The following THOC2 variants were observed in gnomAD, a reference collection of about 807,000 sequenced individuals.
THOC2 encodes the protein THO complex subunit 2.
A neutral mutation model predicts 128.4 loss-of-function variants in THOC2; 10 were observed. That is an observed-to-expected ratio of 0.08 (90% CI 0.05 to 0.13). The LOEUF is 0.13. Ranked by LOEUF, THOC2 falls within the 10% of genes least tolerant of loss-of-function variation. The pLI, the probability that THOC2 is intolerant of heterozygous loss-of-function variation, is 1.00. For synonymous variants in THOC2, 393 were observed against 396.9 expected, an observed-to-expected ratio of 0.99 and a Z score of 0.12; for missense variants, 535 against 1,155.7, an observed-to-expected ratio of 0.46 and a Z score of 7.79.
intron 7 of THOC2, among the ~76,000 whole-genome samples, chrX:123,689,418 A>T (rs1048950671): frequency 3.6e-5 from 4 of 111,641 alleles, no homozygotes; most frequent in African/African-American, 1.3e-4. Flanking sequence ...AGGTTTAGAA[A>T]ATTATTTTCA....
At chrX:123,730,411 C>G (rs1451221491) in intron 1 of THOC2, among the ~76,000 whole-genome samples, 1 of 111,200 alleles carries the variant, frequency 9.0e-6, no homozygotes, top group South Asian at 3.7e-4. Flanking sequence ...CTCCTGACCT[C>G]AGGTGATCCA....
chrX:123,725,858 A>C (rs183402455), intron 1 of THOC2, among the ~76,000 whole-genome samples: 1 of 111,367 alleles, frequency 9.0e-6, no homozygotes, highest in African/African-American at 3.3e-5. Context: ...ATGAAGTATT[A>C]AAACAATTCC....
rs769996351 is a variant in THOC2, at chrX:123,657,817, A to G, written c.1386+7825T>C. On this transcript the variant is annotated intron_variant, in intron 12 of 38. Coordinates refer to ENST00000245838, the MANE Select transcript of THOC2 (RefSeq NM_001081550.2). ...GAATATAGGTCAGAAACTTGGATATATATAAACAAACAAAAAAAGAAACAC... is the reference window on the plus strand; with the variant it reads ...GAATATAGGTCAGAAACTTGGATATGTATAAACAAACAAAAAAAGAAACAC... 4.5e-5 allele frequency among the ~76,000 whole-genome samples: 5 copies of G among 112,330 alleles called. No homozygotes were observed. The East Asian group carries it at 1.4e-3, about 31-fold the overall frequency.
chrX:123,718,800 G>A (rs2051547164), intron 1 of THOC2, among the ~76,000 whole-genome samples: 1 of 110,672 alleles, frequency 9.0e-6, no homozygotes, highest in Non-Finnish European at 1.9e-5. Context: ...ACAATTAACA[G>A]TGTGATGGAG....
intron 38 of THOC2, among the ~76,000 whole-genome samples, chrX:123,605,874 G>A (rs1312573010): frequency 9.0e-6 from 1 of 110,977 alleles, no homozygotes; most frequent in East Asian, 2.8e-4. Flanking sequence ...GTCTACAAAG[G>A]CCAAGAACGT....
intron 1 of THOC2, among the ~76,000 whole-genome samples, 163 bp downstream of exon 1, chrX:123,732,789 G>A (rs2052334204): frequency 1.8e-5 from 2 of 111,150 alleles, no homozygotes; most frequent in South Asian, 3.8e-4. Context: ...GCGGTAAACA[G>A]CACCTCTCCC....
At chrX:123,695,532 G>C (rs1410597611) in intron 7 of THOC2, among the ~76,000 whole-genome samples, 1 of 112,308 alleles carries the variant, frequency 8.9e-6, no homozygotes, top group South Asian at 3.6e-4. Context: ...CCCTTGTAAA[G>C]TTATTTTGAA....
rs772859645 is a variant in THOC2, at chrX:123,629,987, T to C, written c.2481+1701A>G. On this transcript the variant is annotated intron_variant, in intron 22 of 38. Transcript: ENST00000245838. ...CTCAACAATTAAAACTAAAAATTAG[T>C]TTATAGGTATGAGAGGGTTACATGA... Among the ~76,000 whole-genome samples the C allele has an allele frequency of 1.0e-3, 114 of 111,886 alleles. 1 individual carries two copies. Among genetic ancestry groups the C allele is most frequent in the African/African-American group, 3.4e-3 (106 of 30,781 alleles).
At chrX:123,646,797 G>A (rs1023886261) in intron 12 of THOC2, among the ~76,000 whole-genome samples, 2 of 111,574 alleles carry the variant, frequency 1.8e-5, no homozygotes, top group Non-Finnish European at 3.8e-5. Context: ...GGTTTGGTTT[G>A]GTTTCGGGGT....
intron 9 of THOC2, among the ~76,000 whole-genome samples, chrX:123,671,448 T>C (rs916647639): frequency 1.8e-5 from 2 of 112,205 alleles, no homozygotes; most frequent in Non-Finnish European, 3.8e-5. Context: ...TTAAACTCCA[T>C]AAAGGTGACC....
intron 1 of THOC2, among the ~76,000 whole-genome samples, chrX:123,724,242 C>A (rs1466681009): frequency 8.9e-6 from 1 of 111,736 alleles, no homozygotes; most frequent in Non-Finnish European, 1.9e-5. Flanking sequence ...TATACATAAC[C>A]TTGCAGCTCA....
Position 123,632,848 on chromosome X carries a change from C to T in THOC2, c.2316+13G>A. ...AAAACATGTACATAAACATAAAAGCCACTTTAACTTGCCTGGTCATAGAGC... is the reference window on the plus strand; with the variant it reads ...AAAACATGTACATAAACATAAAAGCTACTTTAACTTGCCTGGTCATAGAGC... On this transcript the variant is annotated intron_variant, in intron 21 of 38. Transcript: ENST00000245838. The T allele has an allele frequency of 8.4e-7, 1 of 1,188,455 alleles. No homozygotes were observed. Among genetic ancestry groups the T allele is most frequent in the African/African-American group, 1.7e-5 (1 of 57,220 alleles).
At chrX:123,669,141 T>C (rs1421446994) in intron 9 of THOC2, among the ~76,000 whole-genome samples, 2 of 106,237 alleles carry the variant, frequency 1.9e-5, no homozygotes, top group Admixed American at 1.0e-4. Flanking sequence ...TTAAACATTA[T>C]AGATTTCATT....
At chrX:123,673,131 G>C (rs1278049120) in intron 8 of THOC2, among the ~76,000 whole-genome samples, 1 of 111,738 alleles carries the variant, frequency 8.9e-6, no homozygotes, top group Non-Finnish European at 1.9e-5. Flanking sequence ...CTGAGGTCAG[G>C]AGTTCGAGAC....
At chrX:123,694,067 C>T (rs1239674301) in intron 7 of THOC2, among the ~76,000 whole-genome samples, 3 of 110,081 alleles carry the variant, frequency 2.7e-5, no homozygotes, top group East Asian at 5.7e-4. Flanking sequence ...CAAGAAAAAT[C>T]CCTCTTTGAA....
chrX:123,671,771 T>TAAAAAAAA lies in THOC2; in HGVS notation c.769-18_769-11dup. ...TCTCGCCATTTGGTTCCTAGAAATATAAAAAAAAAAGTTTCCATTTAGTGC... is the reference window on the plus strand; with the variant it reads ...TCTCGCCATTTGGTTCCTAGAAATATAAAAAAAAAAAAAAAAAAGTTTCCATTTAGTGC... On this transcript the variant is annotated splice_polypyrimidine_tract_variant and intron_variant, in intron 8 of 38. Coordinates refer to ENST00000245838, the MANE Select transcript of THOC2 (RefSeq NM_001081550.2). 1 of 1,032,991 alleles carries TAAAAAAAA rather than the reference T, an allele frequency of 9.7e-7. No homozygotes were observed. Among genetic ancestry groups the TAAAAAAAA allele is most frequent in the Non-Finnish European group, 1.3e-6 (1 of 769,821 alleles). The allele number at this position is 1,032,991 out of a possible 1,213,427, so 85.1% of individuals were successfully genotyped here. A position where few individuals can be genotyped will look rare whatever the true frequency, so the allele number is the denominator to read the frequency against.
At chrX:123,706,504 A>T in intron 3 of THOC2, among the ~76,000 whole-genome samples, 1 of 99,901 alleles carries the variant, frequency 1.0e-5, no homozygotes, top group East Asian at 3.3e-4. Flanking sequence ...ATATCTCCTA[A>T]TGTTATCCCT....
At chrX:123,671,507 C>A (rs946775555) in intron 9 of THOC2, among the ~76,000 whole-genome samples, 162 bp downstream of exon 9, 2 of 112,111 alleles carry the variant, frequency 1.8e-5, no homozygotes, top group African/African-American at 6.5e-5. Context: ...AATTTATTCA[C>A]TTTATAAAGT....
chrX:123,698,977 G>A (rs921174841), intron 4 of THOC2, among the ~76,000 whole-genome samples: 1 of 110,839 alleles, frequency 9.0e-6, no homozygotes, highest in Non-Finnish European at 1.9e-5. Context: ...TAAAAACTGA[G>A]AGTTTCAGTA....
Sources: gnomAD v4.1 joint callset for allele counts (sites outside exome capture counted in the v4.1 genomes callset) on GRCh38, gnomAD v4.1.1 for gene constraint, MANE v1.5 for transcripts, NCBI Gene and HGNC (gene_info 2026-07-23, HGNC 2026-07-21) for gene names.